The following CHPT1 variants were observed in gnomAD, a reference collection of about 807,000 sequenced individuals.
The protein encoded by CHPT1 is choline phosphotransferase 1.
Under a neutral mutation model 47.6 loss-of-function variants are expected in CHPT1, and 36 were observed. The observed-to-expected ratio is 0.76, with a 90% confidence interval of 0.58 to 1.00. CHPT1 has a LOEUF of 1.00. Among genes scored for constraint, CHPT1 ranks in the 50% least tolerant of loss-of-function variants. The pLI, the probability that CHPT1 is intolerant of heterozygous loss-of-function variation, is 0.00. For synonymous variants in CHPT1, 194 were observed against 186.3 expected, an observed-to-expected ratio of 1.04 and a Z score of -0.33; for missense variants, 458 against 498.1, an observed-to-expected ratio of 0.92 and a Z score of 0.77.
chr12:101,701,789 A>G lies in CHPT1; in HGVS notation c.273+3655A>G, dbSNP rs187488219. On this transcript the variant is annotated intron_variant, in intron 1 of 8. Transcript: ENST00000229266. ...TCAAACAGATGCAATTATTTAGAAAACAAACATTTGTTTGTTTTCTAAATT... is the reference window on the plus strand; with the variant it reads ...TCAAACAGATGCAATTATTTAGAAAGCAAACATTTGTTTGTTTTCTAAATT... 1.4e-4 allele frequency among the ~76,000 whole-genome samples: 21 copies of G among 152,346 alleles called. No individual in the cohort carries two copies. The East Asian group carries it at 3.9e-3, about 28-fold the overall frequency.
intron 1 of CHPT1, among the ~76,000 whole-genome samples, chr12:101,710,446 A>G (rs1951690147): frequency 6.7e-6 from 1 of 149,060 alleles, no homozygotes; most frequent in African/African-American, 2.4e-5. Context: ...TTCCAGGAAC[A>G]TGGATCTAGT....
At chr12:101,704,143 T>C (rs1222245581) in intron 1 of CHPT1, among the ~76,000 whole-genome samples, 2 of 152,194 alleles carry the variant, frequency 1.3e-5, no homozygotes, top group Non-Finnish European at 2.9e-5. Context: ...TCTGCATAGA[T>C]GTCAATTCAT....
At chr12:101,704,560 C>G (rs1000992806) in intron 1 of CHPT1, among the ~76,000 whole-genome samples, 2 of 150,868 alleles carry the variant, frequency 1.3e-5, no homozygotes, top group Non-Finnish European at 2.9e-5. Flanking sequence ...CACCACCATG[C>G]CTGGCTAATT....
Position 101,702,175 on chromosome 12 carries a change from A to T in CHPT1, c.273+4041A>T, listed in dbSNP as rs573021104. Among the ~76,000 whole-genome samples, 4 of 152,088 alleles carry T rather than the reference A, an allele frequency of 2.6e-5. No individual in the cohort carries two copies. The South Asian group carries it at 8.3e-4, about 32-fold the overall frequency. ...CAGTGATTTGAATCTAGTTCTTCTA[A>T]CTCCAGCCTAGTAGCAGTCTCTCCT... On this transcript the variant is annotated intron_variant, in intron 1 of 8. Transcript: ENST00000229266.
At chr12:101,723,869 AT>A in intron 7 of CHPT1, 22 bp downstream of exon 7, 2 of 1,468,142 alleles carry the variant, frequency 1.4e-6, no homozygotes, top group Non-Finnish European at 1.9e-6. Context: ...TCTCCATTTT[AT>A]TTATTTTTTA....
At position 101,711,116 on chromosome 12, in the gene CHPT1, A is replaced by G. The variant is rs778009980; in HGVS notation, c.274-2974A>G. ...CCAAAAGAATGAAATTGGACCTTATATTACACTGTATACAAAAATAAACTC... is the reference window on the plus strand; with the variant it reads ...CCAAAAGAATGAAATTGGACCTTATGTTACACTGTATACAAAAATAAACTC... On this transcript the variant is annotated intron_variant, in intron 1 of 8. Coordinates refer to ENST00000229266, the MANE Select transcript of CHPT1 (RefSeq NM_020244.3). Among the ~76,000 whole-genome samples, 22 of 148,508 alleles carry G rather than the reference A, an allele frequency of 1.5e-4. 2 individuals are homozygous for G. Among genetic ancestry groups the G allele is most frequent in the Non-Finnish European group, 2.1e-4 (14 of 66,426 alleles).
chr12:101,700,695 C>T (rs1375469366), intron 1 of CHPT1, among the ~76,000 whole-genome samples: 1 of 147,580 alleles, frequency 6.8e-6, no homozygotes, highest in Non-Finnish European at 1.5e-5. Flanking sequence ...CTTTCACATC[C>T]ATGGTTGCAT....
intron 5 of CHPT1, 134 bp downstream of exon 5, chr12:101,720,388 C>A: frequency 1.3e-6 from 1 of 755,058 alleles, no homozygotes; most frequent in Non-Finnish European, 2.1e-6. Flanking sequence ...TCATTTTAGG[C>A]ACATAGTACA....
At chr12:101,726,522 T>TATTTGAATATAAAACATA in intron 8 of CHPT1, 118 bp downstream of exon 8, 9 of 1,348,280 alleles carry the variant, frequency 6.7e-6, no homozygotes, top group Non-Finnish European at 7.8e-6. Flanking sequence ...AATAAGGTTA[T>TATTTGAATATAAAACATA]ATTTGAATAT....
At chr12:101,723,418 T>C in intron 6 of CHPT1, 92 bp downstream of exon 6, 1 of 814,762 alleles carries the variant, frequency 1.2e-6, no homozygotes. Context: ...TAGGTTTTCT[T>C]TTGTAGTGTA....
chr12:101,698,203 G>T, intron 1 of CHPT1, 69 bp downstream of exon 1: 5 of 1,370,592 alleles, frequency 3.6e-6, no homozygotes, highest in Middle Eastern at 2.6e-4. Context: ...GGCGCCGGGG[G>T]AAGGGCGGAC....
chr12:101,725,151 T>A (rs1293644561), intron 7 of CHPT1, among the ~76,000 whole-genome samples: 1 of 152,140 alleles, frequency 6.6e-6, no homozygotes, highest in African/African-American at 2.4e-5. Context: ...GGAGTACATC[T>A]AATGGTCCCT....
chr12:101,728,865 T>G (rs767171906), intron 8 of CHPT1, 36 bp from the exon 9 acceptor site: 1 of 1,607,992 alleles, frequency 6.2e-7, no homozygotes, highest in Non-Finnish European at 8.5e-7. Context: ...ACAATATGCT[T>G]CTTAGCTAAC....
chr12:101,699,574 G>C (rs1672103197), intron 1 of CHPT1, among the ~76,000 whole-genome samples: 1 of 151,804 alleles, frequency 6.6e-6, no homozygotes, highest in Admixed American at 6.6e-5. Context: ...TTTTAGTAGA[G>C]ACGGGGTTTC....
intron 4 of CHPT1, 56 bp from the exon 5 acceptor site, chr12:101,720,067 T>G: frequency 7.7e-7 from 1 of 1,300,526 alleles, no homozygotes; most frequent in Non-Finnish European, 1.1e-6. Context: ...TCTTTATTAT[T>G]TAATAAAAAA....
chr12:101,707,887 A>G (rs1417188672), intron 1 of CHPT1, among the ~76,000 whole-genome samples: 2 of 152,198 alleles, frequency 1.3e-5, no homozygotes, highest in Non-Finnish European at 2.9e-5. Flanking sequence ...TCCGTCTCTT[A>G]ATATGGAAAC....
At chr12:101,723,961 A>G (rs1951902056) in intron 7 of CHPT1, 114 bp downstream of exon 7, 1 of 763,400 alleles carries the variant, frequency 1.3e-6, no homozygotes, top group Admixed American at 2.9e-5. Context: ...TCACGCCTGT[A>G]ATCCCAGCAC....
In CHPT1 at chr12:101,726,979, G is replaced by A. The variant is rs1951961159; in HGVS notation, c.1176+575G>A. 7 of 152,158 alleles carry A rather than the reference G, an allele frequency of 4.6e-5. No homozygotes were observed. The South Asian group carries it at 1.4e-3, about 32-fold the overall frequency. 9.4% of individuals were successfully genotyped at this position (152,158 alleles called of 1,614,324 possible). On this transcript the variant is annotated intron_variant, in intron 8 of 8. Transcript: ENST00000229266. ...TATACTAGAATTTAAAAGGGCTACA[G>A]GAATTTTTTAAATAAAATTTGTATT...
intron 1 of CHPT1, among the ~76,000 whole-genome samples, chr12:101,704,224 A>T (rs1023614197): frequency 2.0e-5 from 3 of 151,912 alleles, no homozygotes; most frequent in African/African-American, 7.3e-5. Context: ...AATTTACGTA[A>T]TGAACATTGT....
Sources: gnomAD v4.1 joint callset for allele counts (sites outside exome capture counted in the v4.1 genomes callset) on GRCh38, gnomAD v4.1.1 for gene constraint, MANE v1.5 for transcripts, NCBI Gene and HGNC (gene_info 2026-07-23, HGNC 2026-07-21) for gene names.